GAS7: variants seen among roughly 807,000 people sequenced by gnomAD.
The protein encoded by GAS7 is growth arrest-specific protein 7.
GAS7 carries 28 observed loss-of-function variants against 71.1 expected under a neutral mutation model. The observed-to-expected ratio is 0.39, with a 90% CI of 0.29 to 0.54. GAS7 has a LOEUF of 0.54. Ranked by LOEUF, GAS7 falls within the 20% of genes least tolerant of loss-of-function variation. The probability of loss-of-function intolerance (pLI) is 0.62; values close to 1 mark genes in which losing one functional copy is unlikely to be tolerated. For missense variants in GAS7, 436 were observed against 627.8 expected (o/e 0.69, Z 3.27); for synonymous variants, 258 against 245.8 (o/e 1.05, Z -0.46).
chr17:10,033,725 C>T (rs1018703307), intron 1 of GAS7, among the ~76,000 whole-genome samples: 1 of 152,304 alleles, frequency 6.6e-6, no homozygotes, highest in African/African-American at 2.4e-5. Flanking sequence ...TCTGACGGCC[C>T]GCCTGCACCT....
intron 1 of GAS7, among the ~76,000 whole-genome samples, chr17:10,072,714 G>A (rs1420575502): frequency 1.3e-5 from 2 of 152,098 alleles, no homozygotes; most frequent in African/African-American, 2.4e-5. Context: ...TAAATGTAAG[G>A]TAAAGAACAG....
intron 1 of GAS7, among the ~76,000 whole-genome samples, chr17:10,045,523 C>A (rs1238681542): frequency 2.0e-5 from 3 of 152,134 alleles, no homozygotes; most frequent in Non-Finnish European, 4.4e-5. Context: ...ATGGTGAAAC[C>A]CCGTCTCTAC....
intron 13 of GAS7, 66 bp downstream of exon 13, chr17:9,917,935 C>T: frequency 8.6e-7 from 1 of 1,163,520 alleles, no homozygotes; most frequent in South Asian, 1.3e-5. Context: ...CCTGCCACGG[C>T]CTAGCGCCAG....
chr17:9,924,417 C>T (rs2067923452), intron 11 of GAS7, among the ~76,000 whole-genome samples: 1 of 152,146 alleles, frequency 6.6e-6, no homozygotes, highest in South Asian at 2.1e-4. Context: ...AACTGATCCT[C>T]CTGCCTCAGC....
intron 1 of GAS7, among the ~76,000 whole-genome samples, chr17:10,089,326 C>T (rs906187550): frequency 5.3e-5 from 8 of 152,076 alleles, no homozygotes; most frequent in Admixed American, 1.3e-4. Context: ...CAATCCAATC[C>T]TCCAGCACAA....
intron 11 of GAS7, among the ~76,000 whole-genome samples, 186 bp downstream of exon 11, chr17:9,925,290 T>C (rs1442447557): frequency 6.6e-6 from 1 of 152,146 alleles, no homozygotes; most frequent in African/African-American, 2.4e-5. Flanking sequence ...GTCTCTTTCT[T>C]TGAGATCTCT....
intron 1 of GAS7, among the ~76,000 whole-genome samples, chr17:10,181,085 G>GGCAC (rs1037584310): frequency 8.8e-5 from 13 of 147,110 alleles, no homozygotes; most frequent in Non-Finnish European, 1.6e-4. Context: ...TGGCGGTGGG[G>GGCAC]GCACGGTGGC....
intron 3 of GAS7, among the ~76,000 whole-genome samples, chr17:9,976,453 G>A (rs2152124007): frequency 6.6e-6 from 1 of 152,328 alleles, no homozygotes; most frequent in South Asian, 2.1e-4. Flanking sequence ...CAGGGGAGAG[G>A]AGAGCTGTCC....
intron 5 of GAS7, among the ~76,000 whole-genome samples, chr17:9,949,055 C>A (rs1165123911): frequency 6.6e-6 from 1 of 152,090 alleles, no homozygotes; most frequent in African/African-American, 2.4e-5. Flanking sequence ...CCAGGCGTCA[C>A]AGAAACTGCA....
intron 8 of GAS7, among the ~76,000 whole-genome samples, chr17:9,937,025 A>G (rs116679665): frequency 0.021 from 3,244 of 152,246 alleles, 106 homozygotes; most frequent in African/African-American, 0.073. Context: ...CTTCAAGGAG[A>G]TAGGGTTAAA....
At chr17:10,068,622 G>A (rs962705612) in intron 1 of GAS7, among the ~76,000 whole-genome samples, 1 of 151,642 alleles carries the variant, frequency 6.6e-6, no homozygotes, top group African/African-American at 2.4e-5. Flanking sequence ...AAATTAGCCA[G>A]GCATGGTGGC....
At chr17:10,184,088 A>G (rs1056961817) in intron 1 of GAS7, among the ~76,000 whole-genome samples, 1 of 152,186 alleles carries the variant, frequency 6.6e-6, no homozygotes, top group Non-Finnish European at 1.5e-5. Context: ...CTTGGAACTG[A>G]TAAACTGTCT....
At chr17:10,031,344 G>A (rs945320103) in intron 1 of GAS7, among the ~76,000 whole-genome samples, 5 of 152,190 alleles carry the variant, frequency 3.3e-5, no homozygotes, top group African/African-American at 1.2e-4. Flanking sequence ...TAATTACAAC[G>A]CAGTCCCTGC....
chr17:10,185,672 T>C (rs545358282), intron 1 of GAS7, among the ~76,000 whole-genome samples: 3 of 152,180 alleles, frequency 2.0e-5, no homozygotes, highest in Non-Finnish European at 4.4e-5. Flanking sequence ...ACTTGACATA[T>C]GAAGTGGGGC....
intron 2 of GAS7, among the ~76,000 whole-genome samples, chr17:10,007,717 A>T (rs1045530571): frequency 6.6e-6 from 1 of 151,906 alleles, no homozygotes; most frequent in Non-Finnish European, 1.5e-5. Flanking sequence ...CCTGTTTTTA[A>T]TGACACTTTT....
At position 9,910,912 on chromosome 17, in the gene GAS7, C is replaced by A. The variant is rs1382725377; in HGVS notation, c.*6316G>T. ...GGGTGAGGAGTGCTGGCGGGAGACA[C>A]GGCTCTTTAACATGAAAAATGTATA... On this transcript the variant is annotated 3_prime_UTR_variant, in exon 14 of 14. Transcript: ENST00000432992. 1.3e-5 allele frequency: 3 copies of A among 230,296 alleles called. No homozygotes were observed. Among genetic ancestry groups the A allele is most frequent in the Non-Finnish European group, 1.7e-5 (2 of 116,084 alleles). The allele number at this position is 230,296 out of a possible 1,614,324, so 14.3% of individuals were successfully genotyped here.
intron 1 of GAS7, among the ~76,000 whole-genome samples, chr17:10,070,337 T>C (rs1429623712): frequency 7.5e-6 from 1 of 133,466 alleles, no homozygotes; most frequent in Non-Finnish European, 1.6e-5. Flanking sequence ...TCGTTCTCTC[T>C]CTTCTTTTTT....
At chr17:10,062,259 T>C (rs545953792) in intron 1 of GAS7, among the ~76,000 whole-genome samples, 105 of 152,216 alleles carry the variant, frequency 6.9e-4, no homozygotes, top group Non-Finnish European at 5.0e-4. Context: ...CCAAGGCGGG[T>C]GGATTACTTG....
intron 1 of GAS7, among the ~76,000 whole-genome samples, chr17:10,187,724 C>T (rs2142150436): frequency 6.6e-6 from 1 of 152,258 alleles, no homozygotes; most frequent in Admixed American, 6.5e-5. Context: ...ATCAAATCCA[C>T]CCCTCAAAAG....
Sources: gnomAD v4.1 joint callset for allele counts (sites outside exome capture counted in the v4.1 genomes callset) on GRCh38, gnomAD v4.1.1 for gene constraint, MANE v1.5 for transcripts, NCBI Gene and HGNC (gene_info 2026-07-23, HGNC 2026-07-21) for gene names.